Variants in CD226 observed in about 807,000 individuals in gnomAD.
The protein encoded by CD226 is CD226 molecule, also known as CD226 antigen.
In CD226, 24 loss-of-function variants were observed where a neutral mutation model predicts 34.9. The observed-to-expected ratio is 0.69, with a 90% CI of 0.50 to 0.97. The LOEUF (loss-of-function observed/expected upper bound fraction) is 0.97. Among genes scored for constraint, CD226 ranks in the 50% least tolerant of loss-of-function variants. The probability of loss-of-function intolerance (pLI) is 0.00; values close to 1 mark genes in which losing one functional copy is unlikely to be tolerated. For synonymous variants in CD226, 148 were observed against 147.4 expected (o/e 1.00, Z -0.03); for missense variants, 397 against 412.7 (o/e 0.96, Z 0.33).
chr18:69,875,104 G>T (rs1983781890), intron 3 of CD226, among the ~76,000 whole-genome samples: 1 of 152,088 alleles, frequency 6.6e-6, no homozygotes, highest in Admixed American at 6.5e-5. Flanking sequence ...CCATCAGATT[G>T]CTGGTTCATA....
At chr18:69,888,842 A>G (rs962528615) in intron 3 of CD226, among the ~76,000 whole-genome samples, 15 of 152,212 alleles carry the variant, frequency 9.9e-5, no homozygotes, top group Non-Finnish European at 1.9e-4. Context: ...TAAATTCAGC[A>G]TGTAACCTTT....
At chr18:69,957,196 C>T (rs936284376), upstream of CD226, 1 of 152,208 alleles carries the variant, frequency 6.6e-6, no homozygotes, top group Non-Finnish European at 1.5e-5. Context: ...AGAAACTACA[C>T]TCCCCGCCGA....
intron 2 of CD226, among the ~76,000 whole-genome samples, chr18:69,908,132 C>T (rs542851180): frequency 6.6e-6 from 1 of 152,198 alleles, no homozygotes; most frequent in Non-Finnish European, 1.5e-5. Flanking sequence ...CTGAATCCTA[C>T]GGCTCTCTCT....
At chr18:69,961,652 C>A (rs2055930186), upstream of CD226, 1 of 152,222 alleles carries the variant, frequency 6.6e-6, no homozygotes, top group Non-Finnish European at 1.5e-5. Context: ...GGCCACTGTT[C>A]TTTTCTTCCT....
intron 3 of CD226, among the ~76,000 whole-genome samples, chr18:69,879,719 C>T (rs1300161460): frequency 6.6e-6 from 1 of 152,228 alleles, no homozygotes; most frequent in East Asian, 1.9e-4. Flanking sequence ...TAAAGACAAG[C>T]ATAGGAAATC....
At chr18:69,918,337 G>A (rs538553944) in intron 2 of CD226, among the ~76,000 whole-genome samples, 1 of 152,194 alleles carries the variant, frequency 6.6e-6, no homozygotes, top group African/African-American at 2.4e-5. Context: ...TGGATCACCT[G>A]AGGTCAGGAG....
intron 1 of CD226, among the ~76,000 whole-genome samples, chr18:69,956,281 G>T (rs2055896645): frequency 6.6e-6 from 1 of 152,192 alleles, no homozygotes; most frequent in Admixed American, 6.5e-5. Context: ...GACACCACAC[G>T]GCCCACAAAG....
intron 3 of CD226, among the ~76,000 whole-genome samples, chr18:69,879,976 A>G (rs1279932282): frequency 6.6e-6 from 1 of 152,220 alleles, no homozygotes; most frequent in East Asian, 1.9e-4. Flanking sequence ...ACGCTGTGTC[A>G]AAGTCATGAT....
At chr18:69,868,194 A>G (rs1983267593) in intron 4 of CD226, among the ~76,000 whole-genome samples, 1 of 152,252 alleles carries the variant, frequency 6.6e-6, no homozygotes, top group Non-Finnish European at 1.5e-5. Context: ...AAGAGCTGAT[A>G]TAACTGTATC....
At chr18:69,960,547 T>C (rs569300561), upstream of CD226, among the ~76,000 whole-genome samples, 1 of 152,334 alleles carries the variant, frequency 6.6e-6, no homozygotes, top group African/African-American at 2.4e-5. Flanking sequence ...CTACCTGGGT[T>C]CAAGTGATTC....
chr18:69,874,884 C>G (rs147737989), intron 3 of CD226, among the ~76,000 whole-genome samples: 5,322 of 152,208 alleles, frequency 0.035, 131 homozygotes, highest in Non-Finnish European at 0.05. Flanking sequence ...CAAGGTTTAT[C>G]CACCCTGTCA....
chr18:69,950,263 C>G (rs571490255), upstream of CD226, among the ~76,000 whole-genome samples: 25 of 152,154 alleles, frequency 1.6e-4, no homozygotes, highest in African/African-American at 5.1e-4. Context: ...CACTCTGTCT[C>G]TCTCTCTCTC....
chr18:69,906,966 A>C (rs1353832741), intron 2 of CD226, among the ~76,000 whole-genome samples: 2 of 152,082 alleles, frequency 1.3e-5, no homozygotes, highest in African/African-American at 4.8e-5. Flanking sequence ...GCTAGGTTGG[A>C]GCACTGCCCA....
intron 3 of CD226, among the ~76,000 whole-genome samples, chr18:69,890,628 T>C (rs1265226084): frequency 4.6e-5 from 7 of 152,124 alleles, no homozygotes; most frequent in Middle Eastern, 3.4e-3. Context: ...TGAAACTCTA[T>C]AGGAAAGAAA....
chr18:69,876,746 A>G (rs1599382193), intron 3 of CD226, among the ~76,000 whole-genome samples: 1 of 152,212 alleles, frequency 6.6e-6, no homozygotes. Context: ...CTACCCAAGG[A>G]CAGTATCAGA....
chr18:69,871,708 G>C (rs1372768228), intron 4 of CD226, among the ~76,000 whole-genome samples: 1 of 152,206 alleles, frequency 6.6e-6, no homozygotes, highest in Non-Finnish European at 1.5e-5. Context: ...AGAGCAATGG[G>C]TGTGCTTCAG....
intron 3 of CD226, among the ~76,000 whole-genome samples, chr18:69,887,322 T>TAC (rs5825978): frequency 5.1e-4 from 77 of 150,416 alleles, no homozygotes; most frequent in Non-Finnish European, 7.3e-4. Flanking sequence ...CACCTACACA[T>TAC]ACACACACAC....
At position 69,946,718 on chromosome 18, in the gene CD226, A is replaced by C. The variant is rs200921517; in HGVS notation, c.382+16T>G. 9.7e-6 allele frequency: 15 copies of C among 1,551,294 alleles called. No individual in the cohort carries two copies. The African/African-American group carries it at 1.7e-4, about 17-fold the overall frequency. On this transcript the variant is annotated intron_variant, in intron 2 of 5. Transcript: ENST00000582621. ...GGATAAAAAGGGATTTAAAAAAAAAAAAAACTTGCCCTTACCTGACTGAAC... is the reference window on the plus strand; with the variant it reads ...GGATAAAAAGGGATTTAAAAAAAAACAAAACTTGCCCTTACCTGACTGAAC...
upstream of CD226, chr18:69,957,266 T>A (rs1211997727): frequency 6.6e-6 from 1 of 152,244 alleles, no homozygotes; most frequent in African/African-American, 2.4e-5. Context: ...CAAAGCACAT[T>A]AGATTCAGCC....
Sources: gnomAD v4.1 joint callset for allele counts (sites outside exome capture counted in the v4.1 genomes callset) on GRCh38, gnomAD v4.1.1 for gene constraint, MANE v1.5 for transcripts, NCBI Gene and HGNC (gene_info 2026-07-23, HGNC 2026-07-21) for gene names.